The following CNTLN variants were observed in gnomAD, a reference collection of about 807,000 sequenced individuals.
The protein encoded by CNTLN is centlein, also known as centlein, centrosomal protein.
In CNTLN, 212 loss-of-function variants were observed where a neutral mutation model predicts 180.0. That is an observed-to-expected ratio of 1.18 (90% CI 1.05 to 1.32). The LOEUF is 1.32. Ranked by LOEUF, CNTLN falls within the 40% of genes most tolerant of loss-of-function variation. The pLI is 0.00. For synonymous variants in CNTLN, 722 were observed against 563.1 expected, an observed-to-expected ratio of 1.28 and a Z score of -3.99; for missense variants, 2,095 against 1,610.9, an observed-to-expected ratio of 1.30 and a Z score of -5.14.
At chr9:17,489,702 C>T (rs569466450) in intron 25 of CNTLN, among the ~76,000 whole-genome samples, 1 of 152,148 alleles carries the variant, frequency 6.6e-6, no homozygotes, top group South Asian at 2.1e-4. Context: ...TTGTTAGCTA[C>T]AAGTGCATGA....
chr9:17,191,133 C>T (rs1182248709), intron 2 of CNTLN, among the ~76,000 whole-genome samples: 1 of 152,176 alleles, frequency 6.6e-6, no homozygotes, highest in Non-Finnish European at 1.5e-5. Flanking sequence ...TCTTCTTAAA[C>T]AGCCATAACT....
the CNTLN span, among the ~76,000 whole-genome samples, chr9:17,511,648 T>TCA: frequency 2.2e-3 from 325 of 146,680 alleles, no homozygotes; most frequent in East Asian, 4.5e-3. Context: ...TCTCTCTCTC[T>TCA]CACACACACA....
intron 25 of CNTLN, among the ~76,000 whole-genome samples, chr9:17,496,839 C>T (rs1040596140): frequency 6.6e-6 from 1 of 152,144 alleles, no homozygotes; most frequent in African/African-American, 2.4e-5. Flanking sequence ...GACATATCCC[C>T]TTCAAGTATA....
At position 17,165,656 on chromosome 9, in the gene CNTLN, A is replaced by T. The variant is rs577338513; in HGVS notation, c.449+22280A>T. ...AAGTTTATTTCCTTGAAAAATTGAAATAAGTATCTTCTGGACTTAGGGACC... is the reference window on the plus strand; with the variant it reads ...AAGTTTATTTCCTTGAAAAATTGAATTAAGTATCTTCTGGACTTAGGGACC... On this transcript the variant is annotated intron_variant, in intron 2 of 25. Coordinates refer to ENST00000380647, the MANE Select transcript of CNTLN (RefSeq NM_017738.4). Among the ~76,000 whole-genome samples the T allele has an allele frequency of 2.6e-5, 4 of 152,322 alleles. No individual in the cohort carries two copies. The East Asian group carries it at 5.8e-4, about 22-fold the overall frequency.
At chr9:17,249,418 G>C (rs190559070) in intron 5 of CNTLN, among the ~76,000 whole-genome samples, 2 of 137,650 alleles carry the variant, frequency 1.5e-5, no homozygotes, top group Admixed American at 8.0e-5. Context: ...GTGCAATCTT[G>C]GCTCACTGCA....
At chr9:17,350,164 T>C (rs1688665326) in intron 12 of CNTLN, among the ~76,000 whole-genome samples, 1 of 152,214 alleles carries the variant, frequency 6.6e-6, no homozygotes, top group Non-Finnish European at 1.5e-5. Context: ...AAAACTATAA[T>C]AAGGGGCTCA....
At chr9:17,292,310 C>G (rs570010920) in intron 6 of CNTLN, among the ~76,000 whole-genome samples, 1 of 151,956 alleles carries the variant, frequency 6.6e-6, no homozygotes, top group East Asian at 1.9e-4. Flanking sequence ...GAGTATCTTA[C>G]GAGGGTTCTT....
At chr9:17,390,622 C>G (rs1302845808) in intron 14 of CNTLN, among the ~76,000 whole-genome samples, 2 of 152,076 alleles carry the variant, frequency 1.3e-5, no homozygotes, top group Admixed American at 6.6e-5. Flanking sequence ...TGAATTATAA[C>G]CCACAGATTG....
At chr9:17,238,566 A>G (rs937380042) in intron 5 of CNTLN, among the ~76,000 whole-genome samples, 1 of 152,184 alleles carries the variant, frequency 6.6e-6, no homozygotes, top group African/African-American at 2.4e-5. Flanking sequence ...AGTTTATTTT[A>G]CCACAGAATC....
intron 5 of CNTLN, among the ~76,000 whole-genome samples, chr9:17,243,115 A>T (rs1210363181): frequency 6.6e-6 from 1 of 152,158 alleles, no homozygotes; most frequent in Non-Finnish European, 1.5e-5. Context: ...ATTTATTAGC[A>T]TATAGTTGCT....
intron 18 of CNTLN, among the ~76,000 whole-genome samples, chr9:17,423,081 C>T (rs1044340163): frequency 6.6e-6 from 1 of 152,150 alleles, no homozygotes; most frequent in African/African-American, 2.4e-5. Context: ...AGGAGTCTCT[C>T]CTTCCATGCT....
At chr9:17,366,022 A>G (rs111270722) in intron 12 of CNTLN, among the ~76,000 whole-genome samples, 77 of 152,340 alleles carry the variant, frequency 5.1e-4, no homozygotes, top group African/African-American at 1.7e-3. Context: ...AGTGTTTAGC[A>G]TGTTTATTGA....
At position 17,336,713 on chromosome 9, in the gene CNTLN, T is replaced by C. The variant is rs183074916; in HGVS notation, c.1644+3983T>C. ...AAGGCTCATCTATAAAACCTTTTTT[T>C]AAAAAAATTATACTTTAAGTTCTGG... On this transcript the variant is annotated intron_variant, in intron 10 of 25. Coordinates refer to ENST00000380647, the MANE Select transcript of CNTLN (RefSeq NM_017738.4). Among the ~76,000 whole-genome samples the C allele has an allele frequency of 5.2e-3, 794 of 152,284 alleles. 5 individuals are homozygous for C. The highest frequency in any genetic ancestry group is 8.2e-3 in the Admixed American group (126 of 15,298).
chr9:17,469,186 T>C (rs1409001486), intron 23 of CNTLN, among the ~76,000 whole-genome samples: 1 of 151,826 alleles, frequency 6.6e-6, no homozygotes, highest in Non-Finnish European at 1.5e-5. Context: ...TTATTATACA[T>C]AATAAAGTTT....
chr9:17,397,382 A>T (rs1238773989), intron 15 of CNTLN, among the ~76,000 whole-genome samples: 1 of 152,214 alleles, frequency 6.6e-6, no homozygotes, highest in African/African-American at 2.4e-5. Context: ...TCCTGACTAT[A>T]GGCTAAACAA....
At chr9:17,437,024 G>A (rs755311108) in intron 18 of CNTLN, among the ~76,000 whole-genome samples, 9 of 152,154 alleles carry the variant, frequency 5.9e-5, no homozygotes, top group Non-Finnish European at 8.8e-5. Context: ...AACACAGTGC[G>A]GTTATTGATC....
At chr9:17,211,910 C>T (rs1823344826) in intron 2 of CNTLN, among the ~76,000 whole-genome samples, 1 of 152,238 alleles carries the variant, frequency 6.6e-6, no homozygotes, top group South Asian at 2.1e-4. Context: ...GATTTTGTAT[C>T]CTGAGACTTT....
intron 6 of CNTLN, among the ~76,000 whole-genome samples, chr9:17,288,119 T>C: frequency 7.6e-6 from 1 of 130,954 alleles, no homozygotes; most frequent in Non-Finnish European, 1.6e-5. Context: ...ATTTTGGATC[T>C]TTCCTGCTTT....
intron 5 of CNTLN, among the ~76,000 whole-genome samples, chr9:17,267,314 A>G (rs1827546535): frequency 6.6e-6 from 1 of 152,098 alleles, no homozygotes; most frequent in African/African-American, 2.4e-5. Flanking sequence ...GGTTGGCTGG[A>G]TATGAAATTC....
Sources: allele counts gnomAD v4.1 joint callset (sites outside exome capture counted in the v4.1 genomes callset), GRCh38; gene constraint gnomAD v4.1.1; transcripts MANE v1.5; gene names NCBI Gene and HGNC (gene_info 2026-07-23, HGNC 2026-07-21).